GLIS3: variants seen among roughly 807,000 people sequenced by gnomAD.
The protein encoded by GLIS3 is zinc finger protein GLIS3.
Under a neutral mutation model 78.6 loss-of-function variants are expected in GLIS3, and 53 were observed. The observed-to-expected ratio is 0.67, with a 90% confidence interval of 0.54 to 0.85. The LOEUF (loss-of-function observed/expected upper bound fraction) is 0.85. Among genes scored for constraint, GLIS3 ranks in the 40% least tolerant of loss-of-function variants. GLIS3 has a pLI of 0.00. For synonymous variants in GLIS3, 684 were observed against 509.9 expected (o/e 1.34, Z -4.60); for missense variants, 1,703 against 1,231.1 (o/e 1.38, Z -5.74).
At chr9:4,364,071 A>G in the GLIS3 span, among the ~76,000 whole-genome samples, 1 of 152,238 alleles carries the variant, frequency 6.6e-6, no homozygotes, top group Non-Finnish European at 1.5e-5. Context: ...TTAAAAGCAT[A>G]TACCATTTAT....
chr9:4,267,868 T>A (rs1475498213), intron 2 of GLIS3, among the ~76,000 whole-genome samples: 1 of 152,142 alleles, frequency 6.6e-6, no homozygotes, highest in Non-Finnish European at 1.5e-5. Flanking sequence ...ACTAGGTACA[T>A]CATTGCTAAA....
chr9:3,876,358 C>T (rs1185682122), intron 8 of GLIS3, among the ~76,000 whole-genome samples: 1 of 151,686 alleles, frequency 6.6e-6, no homozygotes, highest in Non-Finnish European at 1.5e-5. Context: ...CCTATTAGAT[C>T]CCTGAATCAC....
chr9:4,191,030 G>A (rs1428999429), intron 2 of GLIS3, among the ~76,000 whole-genome samples: 1 of 151,688 alleles, frequency 6.6e-6, no homozygotes, highest in African/African-American at 2.4e-5. Context: ...GCTCCTGAAG[G>A]AAGCGCTAAA....
At chr9:4,239,836 G>C (rs1042859294) in intron 2 of GLIS3, among the ~76,000 whole-genome samples, 1 of 152,182 alleles carries the variant, frequency 6.6e-6, no homozygotes, top group African/African-American at 2.4e-5. Context: ...ATCTACCACG[G>C]TCATTAGATT....
intron 4 of GLIS3, among the ~76,000 whole-genome samples, chr9:3,958,962 T>A (rs1457737190): frequency 6.6e-6 from 1 of 152,220 alleles, no homozygotes; most frequent in Non-Finnish European, 1.5e-5. Context: ...GGATTAATCT[T>A]CAGTAAAGAC....
At chr9:4,159,411 T>C (rs1383794849) in intron 2 of GLIS3, among the ~76,000 whole-genome samples, 1 of 152,202 alleles carries the variant, frequency 6.6e-6, no homozygotes, top group African/African-American at 2.4e-5. Context: ...TTATAGTTAT[T>C]TTTCCATAAG....
At chr9:3,937,337 A>G in intron 4 of GLIS3, 148 bp from the exon 5 acceptor site, 1 of 783,242 alleles carries the variant, frequency 1.3e-6, no homozygotes, top group Non-Finnish European at 2.1e-6. Context: ...TATTGCTCCT[A>G]AAAATATCCG....
At chr9:4,054,098 C>T (rs1293611238) in intron 4 of GLIS3, among the ~76,000 whole-genome samples, 5 of 152,192 alleles carry the variant, frequency 3.3e-5, no homozygotes, top group Non-Finnish European at 7.3e-5. Flanking sequence ...AAAGGTCTAA[C>T]TCCTTCGAAG....
At chr9:4,380,786 A>T in the GLIS3 span, among the ~76,000 whole-genome samples, 1 of 152,242 alleles carries the variant, frequency 6.6e-6, no homozygotes, top group East Asian at 1.9e-4. Flanking sequence ...TGTGGATTTA[A>T]TTCAACATAA....
chr9:4,026,097 C>G (rs1823317495), intron 4 of GLIS3, among the ~76,000 whole-genome samples: 1 of 152,100 alleles, frequency 6.6e-6, no homozygotes, highest in Non-Finnish European at 1.5e-5. Context: ...AGTAAAAAAC[C>G]TGAGACTATA....
At chr9:4,198,214 A>G (rs915420148) in intron 2 of GLIS3, among the ~76,000 whole-genome samples, 2 of 152,240 alleles carry the variant, frequency 1.3e-5, no homozygotes, top group African/African-American at 4.8e-5. Flanking sequence ...AAGCAAGCTC[A>G]ATGAGATCCA....
intron 9 of GLIS3, among the ~76,000 whole-genome samples, chr9:3,837,551 A>G (rs1818430060): frequency 6.6e-6 from 1 of 152,254 alleles, no homozygotes; most frequent in South Asian, 2.1e-4. Context: ...GAATAAATAA[A>G]CTGCAGTACA....
chr9:3,870,249 T>G (rs1212612775), intron 8 of GLIS3, among the ~76,000 whole-genome samples: 2 of 152,148 alleles, frequency 1.3e-5, no homozygotes, highest in African/African-American at 2.4e-5. Flanking sequence ...TCATATCAAG[T>G]ATATTCTCAG....
At chr9:4,053,705 T>TAAAAAAA (rs760535978) in intron 4 of GLIS3, among the ~76,000 whole-genome samples, 72 of 91,134 alleles carry the variant, frequency 7.9e-4, no homozygotes, top group African/African-American at 2.1e-3. Context: ...TCTTTCTTCA[T>TAAAAAAA]AAAAAAAAAA....
At chr9:3,910,132 A>G (rs552186915) in intron 6 of GLIS3, among the ~76,000 whole-genome samples, 1 of 152,232 alleles carries the variant, frequency 6.6e-6, no homozygotes, top group East Asian at 1.9e-4. Flanking sequence ...TAATCTGCCA[A>G]CTACAGATCC....
intron 4 of GLIS3, among the ~76,000 whole-genome samples, chr9:4,082,252 T>C (rs1250842013): frequency 1.3e-5 from 2 of 152,216 alleles, no homozygotes; most frequent in Non-Finnish European, 2.9e-5. Flanking sequence ...CATTTTACTG[T>C]ATATAACTAT....
chr9:4,080,513 G>C (rs1828464184), intron 4 of GLIS3, among the ~76,000 whole-genome samples: 1 of 152,228 alleles, frequency 6.6e-6, no homozygotes, highest in East Asian at 1.9e-4. Flanking sequence ...TGCCATACTG[G>C]AGCTAAGGGA....
chr9:4,485,800 G>C, the GLIS3 span, among the ~76,000 whole-genome samples: 63 of 150,808 alleles, frequency 4.2e-4, no homozygotes, highest in African/African-American at 1.5e-3. Flanking sequence ...AGCTCACTGC[G>C]ACCTCCGCCT....
chr9:4,394,575 G>C, the GLIS3 span, among the ~76,000 whole-genome samples: 1 of 152,078 alleles, frequency 6.6e-6, no homozygotes, highest in Non-Finnish European at 1.5e-5. Flanking sequence ...AAATTTACCT[G>C]TAAGTCAGGT....
Sources: gnomAD v4.1 joint callset for allele counts (sites outside exome capture counted in the v4.1 genomes callset) on GRCh38, gnomAD v4.1.1 for gene constraint, MANE v1.5 for transcripts, NCBI Gene and HGNC (gene_info 2026-07-23, HGNC 2026-07-21) for gene names.